ITCH: variants seen among roughly 807,000 people sequenced by gnomAD.
ITCH encodes itchy E3 ubiquitin protein ligase, also known as E3 ubiquitin-protein ligase Itchy homolog.
ITCH carries 28 observed loss-of-function variants against 126.8 expected under a neutral mutation model. That is an observed-to-expected ratio of 0.22 (90% confidence interval 0.16 to 0.30). ITCH has a LOEUF of 0.30. ITCH is among the 10% of genes least tolerant of loss of function. ITCH has a pLI of 1.00. For synonymous variants in ITCH, 342 were observed against 340.0 expected, an observed-to-expected ratio of 1.01 and a Z score of -0.06; for missense variants, 631 against 1,032.4, an observed-to-expected ratio of 0.61 and a Z score of 5.33.
intron 2 of ITCH, among the ~76,000 whole-genome samples, chr20:34,371,279 C>CTTTTTTTT (rs770951963): frequency 1.2e-4 from 14 of 118,476 alleles, no homozygotes; most frequent in African/African-American, 2.5e-4. Flanking sequence ...ATCACTTCTT[C>CTTTTTTTT]TTTTTTTTTT....
chr20:34,415,940 G>A (rs887368261), intron 6 of ITCH, among the ~76,000 whole-genome samples: 2 of 151,494 alleles, frequency 1.3e-5, no homozygotes, highest in African/African-American at 2.4e-5. Flanking sequence ...TGGCCAACAT[G>A]GTGAAACCCC....
chr20:34,417,019 C>T (rs1306053049), intron 6 of ITCH: 2 of 507,820 alleles, frequency 3.9e-6, no homozygotes, highest in African/African-American at 2.0e-5. Context: ...AAGCGATTCT[C>T]CTGCCTCAGC....
intron 14 of ITCH, among the ~76,000 whole-genome samples, chr20:34,469,257 A>G (rs925901818): frequency 1.3e-5 from 2 of 150,586 alleles, no homozygotes; most frequent in African/African-American, 4.9e-5. Context: ...ACACTCACAC[A>G]CTTTTTAGCT....
chr20:34,494,082 A>G (rs1050818806), intron 23 of ITCH, among the ~76,000 whole-genome samples: 28 of 152,206 alleles, frequency 1.8e-4, no homozygotes, highest in African/African-American at 6.3e-4. Flanking sequence ...TACAAAAATT[A>G]GCCGGGCGTG....
intron 2 of ITCH, among the ~76,000 whole-genome samples, chr20:34,381,340 T>C (rs1374734694): frequency 2.0e-5 from 3 of 151,872 alleles, no homozygotes; most frequent in Admixed American, 2.0e-4. Context: ...TGGAGTGTGG[T>C]GGCGCAATCT....
rs141255750 is a variant in ITCH, at chr20:34,370,438, C to T, written c.-22+968C>T. Among the ~76,000 whole-genome samples, 422 of 151,732 alleles carry T rather than the reference C, an allele frequency of 2.8e-3. 5 individuals are homozygous for T. The South Asian group carries it at 0.033, about 12-fold the overall frequency. On this transcript the variant is annotated intron_variant, in intron 2 of 24. Transcript: ENST00000374864. Reference sequence around the variant, plus strand: ...ACTTTGTTTGGGAGGCCAAGGTGGGCGGATCACTTGAGGTCAGGAGTTTGA... The same window carrying T: ...ACTTTGTTTGGGAGGCCAAGGTGGGTGGATCACTTGAGGTCAGGAGTTTGA...
At chr20:34,474,149 A>G (rs921288533) in intron 16 of ITCH, among the ~76,000 whole-genome samples, 1 of 152,248 alleles carries the variant, frequency 6.6e-6, no homozygotes, top group African/African-American at 2.4e-5. Flanking sequence ...TATAACCAAA[A>G]TAAAAATTGC....
At chr20:34,474,786 CG>C (rs59820332) in intron 16 of ITCH, among the ~76,000 whole-genome samples, 72,253 of 150,342 alleles carry the variant, frequency 0.48, 17,587 homozygotes, top group Middle Eastern at 0.51. Context: ...GCTGGCCGGG[CG>C]GGGGGGCTGA....
At chr20:34,433,359 GTTC>G (rs1259412124) in intron 7 of ITCH, among the ~76,000 whole-genome samples, 1 of 152,178 alleles carries the variant, frequency 6.6e-6, no homozygotes, top group Non-Finnish European at 1.5e-5. Flanking sequence ...TGACTTGGTT[GTTC>G]TATTCTGCAG....
chr20:34,451,744 T>TATATCCAA (rs1245793921), intron 12 of ITCH, among the ~76,000 whole-genome samples: 2 of 152,122 alleles, frequency 1.3e-5, no homozygotes, highest in Non-Finnish European at 2.9e-5. Context: ...ACTAAAATGA[T>TATATCCAA]ATATCCAAAG....
intron 13 of ITCH, among the ~76,000 whole-genome samples, chr20:34,460,832 G>A (rs1986439299): frequency 6.6e-6 from 1 of 152,044 alleles, no homozygotes; most frequent in Non-Finnish European, 1.5e-5. Context: ...ACCAGCCTGG[G>A]GAACATAGTG....
intron 12 of ITCH, among the ~76,000 whole-genome samples, chr20:34,456,401 T>C (rs1600387487): frequency 6.8e-6 from 1 of 148,070 alleles, no homozygotes; most frequent in African/African-American, 2.5e-5. Context: ...ATGGGACTCT[T>C]CTGGTATCCT....
At chr20:34,381,465 C>T (rs1021507121) in intron 2 of ITCH, among the ~76,000 whole-genome samples, 20 of 150,856 alleles carry the variant, frequency 1.3e-4, no homozygotes, top group Admixed American at 5.3e-4. Flanking sequence ...CTTGCTTTGT[C>T]GCCCAGGCTG....
chr20:34,489,735 A>C, intron 21 of ITCH, 87 bp from the exon 22 acceptor site: 1 of 891,788 alleles, frequency 1.1e-6, no homozygotes. Context: ...TGTTATTCTA[A>C]AGCTTTGCTT....
At chr20:34,402,642 G>A (rs2038927506) in intron 3 of ITCH, 1 of 582,622 alleles carries the variant, frequency 1.7e-6, no homozygotes, top group African/African-American at 1.9e-5. Flanking sequence ...GAAATTTGTT[G>A]TGTTGTTTTA....
chr20:34,432,814 C>T (rs1294133170), intron 7 of ITCH, among the ~76,000 whole-genome samples: 1 of 151,530 alleles, frequency 6.6e-6, no homozygotes, highest in East Asian at 1.9e-4. Context: ...AAAATAAGTC[C>T]AGAATGGTAG....
intron 23 of ITCH, among the ~76,000 whole-genome samples, chr20:34,494,909 A>G (rs551243530): frequency 2.0e-5 from 3 of 151,826 alleles, no homozygotes; most frequent in Non-Finnish European, 4.4e-5. Flanking sequence ...CAGTGAGCCA[A>G]GGTCATGCCA....
At chr20:34,482,731 A>G (rs1988841422) in intron 20 of ITCH, among the ~76,000 whole-genome samples, 2 of 152,096 alleles carry the variant, frequency 1.3e-5, no homozygotes, top group South Asian at 4.1e-4. Context: ...TGGGGTCTAG[A>G]GGACGGTTGC....
intron 16 of ITCH, 43 bp from the exon 17 acceptor site, chr20:34,477,729 C>T (rs1429544790): frequency 3.2e-6 from 5 of 1,585,064 alleles, no homozygotes; most frequent in Non-Finnish European, 2.6e-6. Flanking sequence ...GACAGTGTTT[C>T]AATAGCTTTT....
Sources: gnomAD v4.1 joint callset for allele counts (sites outside exome capture counted in the v4.1 genomes callset) on GRCh38, gnomAD v4.1.1 for gene constraint, MANE v1.5 for transcripts, NCBI Gene and HGNC (gene_info 2026-07-23, HGNC 2026-07-21) for gene names.